WDR72: variants seen among roughly 807,000 people sequenced by gnomAD.
The protein encoded by WDR72 is WD repeat-containing protein 72.
A neutral mutation model predicts 124.2 loss-of-function variants in WDR72; 120 were observed. The observed-to-expected ratio is 0.97, with a 90% CI of 0.83 to 1.12. The LOEUF is 1.12. Ranked by LOEUF, WDR72 falls within the 50% of genes most tolerant of loss-of-function variation. The probability of loss-of-function intolerance (pLI) is 0.00; values close to 1 mark genes in which losing one functional copy is unlikely to be tolerated. For missense variants in WDR72, 1,387 were observed against 1,278.8 expected (o/e 1.08, Z -1.29); for synonymous variants, 452 against 441.7 (o/e 1.02, Z -0.29).
intron 3 of WDR72, among the ~76,000 whole-genome samples, chr15:53,718,099 T>A (rs2017764475): frequency 6.6e-6 from 1 of 152,182 alleles, no homozygotes; most frequent in Admixed American, 6.5e-5. Flanking sequence ...TTTGAGCTTA[T>A]TAACAAGGTT....
intron 14 of WDR72, among the ~76,000 whole-genome samples, chr15:53,621,781 A>G (rs1387890796): frequency 1.3e-5 from 2 of 152,010 alleles, no homozygotes; most frequent in Admixed American, 6.6e-5. Context: ...TTCCCCAATA[A>G]CCTATGGAAA....
chr15:53,647,109 CACAA>C lies in WDR72; in HGVS notation c.1962+18459_1962+18462del, dbSNP rs138873145. Among the ~76,000 whole-genome samples the C allele has an allele frequency of 7.3e-3, 1,111 of 152,068 alleles. 21 individuals carry two copies. The highest frequency in any genetic ancestry group is 0.025 in the African/African-American group (1,048 of 41,484). ...GTGAAAAATCAGAATTATTTTTGTG[CACAA>C]ACAGATTAGAAAATCATATAACTCC... On this transcript the variant is annotated intron_variant, in intron 14 of 19. Coordinates refer to ENST00000360509, the MANE Select transcript of WDR72 (RefSeq NM_182758.4).
rs1891383516 is a variant in WDR72, at chr15:53,515,081, A to ATATATATG, written c.*2617_*2618insCATATATA. ...TATATATATACACACATATATATGT[A>ATATATATG]TGTATACACACACACACACACACAC... is the stretch of plus-strand genomic sequence containing the variant. On this transcript the variant is annotated 3_prime_UTR_variant, in exon 20 of 20. Transcript: ENST00000360509. 2 of 24,844 alleles carry ATATATATG rather than the reference A, an allele frequency of 8.1e-5. No homozygotes were observed. Among genetic ancestry groups the ATATATATG allele is most frequent in the East Asian group, 1.6e-3 (1 of 638 alleles). The allele number at this position is 24,844 out of a possible 1,614,324, so 1.5% of individuals were successfully genotyped here.
chr15:53,743,268 GTTTAA>G (rs890425218), intron 1 of WDR72, among the ~76,000 whole-genome samples: 7 of 151,820 alleles, frequency 4.6e-5, no homozygotes, highest in Non-Finnish European at 7.4e-5. Context: ...TTTTTATAGA[GTTTAA>G]TTTATAGAGT....
intron 18 of WDR72, among the ~76,000 whole-genome samples, chr15:53,561,503 A>G (rs996078131): frequency 2.6e-5 from 4 of 151,702 alleles, no homozygotes; most frequent in African/African-American, 7.3e-5. Context: ...CTATTTCCTC[A>G]TACAAATAAA....
In WDR72 at chr15:53,733,062, G is replaced by C. The variant is rs770804941; in HGVS notation, c.88C>G (p.Arg30Gly). 4.0e-5 allele frequency: 64 copies of C among 1,613,888 alleles called. No individual in the cohort carries two copies. The highest frequency in any genetic ancestry group is 5.2e-5 in the Non-Finnish European group (61 of 1,179,952). The change falls in exon 2 of 20, where the codon CGA becomes GGA. Residue 30 changes from arginine (R) to glycine (G), a missense_variant. Physicochemically the swap from Arg to Gly is moderately radical, Grantham distance 125. Coordinates refer to ENST00000360509, the MANE Select transcript of WDR72 (RefSeq NM_182758.4). ...ITAIMITDDQ[R>G]TIVTGSQEGQ... is the part of the protein sequence containing the mutation. ...TCTTGACTTCCAGTCACAATCGTTC[G>C]CTGGTCATCAGTGATCATGATGGCA...
chr15:53,747,493 C>A (rs1203580868), intron 1 of WDR72, among the ~76,000 whole-genome samples: 1 of 152,106 alleles, frequency 6.6e-6, no homozygotes, highest in Non-Finnish European at 1.5e-5. Context: ...TGAAACAGCC[C>A]AGAGATCAAA....
At chr15:53,671,499 A>G (rs796968555) in intron 13 of WDR72, among the ~76,000 whole-genome samples, 61 of 152,368 alleles carry the variant, frequency 4.0e-4, no homozygotes, top group African/African-American at 1.4e-3. Flanking sequence ...AGCTTGGTAC[A>G]AAGCAGGTCT....
chr15:53,563,141 A>G (rs900802069), intron 18 of WDR72, among the ~76,000 whole-genome samples: 1 of 151,810 alleles, frequency 6.6e-6, no homozygotes, highest in Non-Finnish European at 1.5e-5. Context: ...AATAGTAGCT[A>G]GAAAAATGGT....
chr15:53,729,485 T>TAA (rs553403926), intron 2 of WDR72, among the ~76,000 whole-genome samples: 1 of 21,332 alleles, frequency 4.7e-5, no homozygotes, highest in Non-Finnish European at 1.9e-4. Flanking sequence ...CTCTATCTAG[T>TAA]GAAAAAAAAA....
chr15:53,644,751 C>T (rs12593967), intron 14 of WDR72, among the ~76,000 whole-genome samples: 3 of 151,776 alleles, frequency 2.0e-5, no homozygotes, highest in Non-Finnish European at 2.9e-5. Context: ...TCCAACGGGT[C>T]GGGTGGAGAG....
intron 18 of WDR72, among the ~76,000 whole-genome samples, chr15:53,577,093 A>G (rs758857357): frequency 1.3e-5 from 2 of 152,166 alleles, no homozygotes; most frequent in Non-Finnish European, 2.9e-5. Flanking sequence ...GGATGCTGTT[A>G]GGACACAGCC....
At chr15:53,567,463 C>T (rs374709036) in intron 18 of WDR72, among the ~76,000 whole-genome samples, 2 of 151,924 alleles carry the variant, frequency 1.3e-5, no homozygotes, top group Non-Finnish European at 2.9e-5. Context: ...AACAAAAAAC[C>T]CTGTTTTTCA....
At chr15:53,585,309 A>T (rs2012143757) in intron 18 of WDR72, among the ~76,000 whole-genome samples, 1 of 151,940 alleles carries the variant, frequency 6.6e-6, no homozygotes, top group South Asian at 2.1e-4. Context: ...AAGCAGGGGA[A>T]ATGCCAGATG....
chr15:53,523,074 C>T, intron 19 of WDR72, 144 bp downstream of exon 19: 1 of 788,924 alleles, frequency 1.3e-6, no homozygotes, highest in South Asian at 1.4e-5. Context: ...ACACTGTGAC[C>T]CCTGGAGGTG....
chr15:53,751,066 G>C lies in WDR72; in HGVS notation c.-13+8567C>G, dbSNP rs149303517. 2.0e-3 allele frequency among the ~76,000 whole-genome samples: 309 copies of C among 152,250 alleles called. 2 individuals carry two copies. Among genetic ancestry groups the C allele is most frequent in the African/African-American group, 7.1e-3 (296 of 41,562 alleles). ...TGACTCCAATTTTGGAAAAAGTTCT[G>C]CTGTGGGTAAAAGGCTATCAGACAG... is the stretch of plus-strand genomic sequence containing the variant. On this transcript the variant is annotated intron_variant, in intron 1 of 19. Coordinates refer to ENST00000360509, the MANE Select transcript of WDR72 (RefSeq NM_182758.4).
intron 18 of WDR72, among the ~76,000 whole-genome samples, chr15:53,594,797 C>CA (rs1421828105): frequency 2.0e-5 from 3 of 150,608 alleles, no homozygotes; most frequent in East Asian, 2.0e-4. Flanking sequence ...CCCACCCCCC[C>CA]AAAAAAAATC....
chr15:53,557,955 C>T (rs1893990245), intron 18 of WDR72, among the ~76,000 whole-genome samples: 1 of 151,902 alleles, frequency 6.6e-6, no homozygotes, highest in Admixed American at 6.6e-5. Context: ...TAGAAGTGTA[C>T]ATTGGTATGG....
chr15:53,668,204 G>T (rs534291155), intron 13 of WDR72, among the ~76,000 whole-genome samples: 43 of 152,194 alleles, frequency 2.8e-4, no homozygotes, highest in African/African-American at 1.0e-3. Flanking sequence ...GTGTACAAGG[G>T]TTTCTATCAT....
Sources: allele counts gnomAD v4.1 joint callset (sites outside exome capture counted in the v4.1 genomes callset), GRCh38; gene constraint gnomAD v4.1.1; transcripts MANE v1.5; gene names NCBI Gene and HGNC (gene_info 2026-07-23, HGNC 2026-07-21).